Variants in GDI2 observed in about 807,000 individuals in gnomAD.
GDI2 encodes the protein rab GDP dissociation inhibitor beta.
In GDI2, 22 loss-of-function variants were observed where a neutral mutation model predicts 54.2. That is an observed-to-expected ratio of 0.41 (90% confidence interval 0.29 to 0.58). The LOEUF (loss-of-function observed/expected upper bound fraction) is 0.58. Among genes scored for constraint, GDI2 ranks in the 20% least tolerant of loss-of-function variants. GDI2 has a pLI of 0.35. For synonymous variants in GDI2, 177 were observed against 182.1 expected (o/e 0.97, Z 0.23); for missense variants, 422 against 546.0 (o/e 0.77, Z 2.26).
chr10:5,773,374 T>C lies in GDI2; in HGVS notation c.819+468A>G, dbSNP rs1177585923. Among the ~76,000 whole-genome samples, 4 of 152,288 alleles carry C rather than the reference T, an allele frequency of 2.6e-5. No individual in the cohort carries two copies. In the South Asian group the frequency reaches 8.3e-4, roughly 32 times the overall value. ...ACGATCTTTTTTTCCTTGTGATTTT[T>C]TTTTTCAGTAGCATCCACATCACCT... On this transcript the variant is annotated intron_variant, in intron 7 of 10. Coordinates refer to ENST00000380191, the MANE Select transcript of GDI2 (RefSeq NM_001494.4).
At chr10:5,784,886 G>A (rs767161622) in intron 6 of GDI2, among the ~76,000 whole-genome samples, 5 of 152,328 alleles carry the variant, frequency 3.3e-5, no homozygotes, top group East Asian at 1.9e-4. Context: ...TGTTAAGTGC[G>A]CTGGTTTTGT....
intron 6 of GDI2, among the ~76,000 whole-genome samples, chr10:5,779,616 G>C (rs1424129052): frequency 6.6e-6 from 1 of 151,320 alleles, no homozygotes; most frequent in African/African-American, 2.4e-5. Context: ...TAGCAGAAAA[G>C]GTCAGTAAAC....
chr10:5,773,274 T>TC (rs1362904847), intron 7 of GDI2, among the ~76,000 whole-genome samples: 2 of 152,332 alleles, frequency 1.3e-5, no homozygotes, highest in Non-Finnish European at 2.9e-5. Flanking sequence ...AAGTGCATCC[T>TC]CTACTGCAAG....
intron 6 of GDI2, among the ~76,000 whole-genome samples, chr10:5,782,341 A>G (rs1229289771): frequency 1.3e-5 from 2 of 152,236 alleles, no homozygotes; most frequent in African/African-American, 4.8e-5. Flanking sequence ...AAGGATGTGG[A>G]GCAACGAGAA....
chr10:5,810,667 T>C (rs1841465332), intron 1 of GDI2, among the ~76,000 whole-genome samples: 1 of 152,212 alleles, frequency 6.6e-6, no homozygotes, highest in South Asian at 2.1e-4. Context: ...AAATTATGTT[T>C]CTTAGTTTGT....
At chr10:5,779,446 T>G (rs1840701580) in intron 6 of GDI2, among the ~76,000 whole-genome samples, 1 of 151,254 alleles carries the variant, frequency 6.6e-6, no homozygotes, top group Non-Finnish European at 1.5e-5. Flanking sequence ...AGGCAGAGGT[T>G]GCAGTGAGCT....
At chr10:5,792,361 C>T (rs1362522743) in intron 4 of GDI2, among the ~76,000 whole-genome samples, 1 of 152,164 alleles carries the variant, frequency 6.6e-6, no homozygotes, top group East Asian at 1.9e-4. Context: ...ACATGAAGTA[C>T]TTAATACATA....
At chr10:5,786,909 C>G (rs1056284771) in intron 4 of GDI2, among the ~76,000 whole-genome samples, 5 of 152,178 alleles carry the variant, frequency 3.3e-5, no homozygotes, top group Admixed American at 6.5e-5. Context: ...GCAACCAATT[C>G]GCTGCATTTT....
rs1164394574 is a variant in GDI2, at chr10:5,766,205, A to C, written c.1191+36T>G. 18 of 1,611,238 alleles carry C rather than the reference A, an allele frequency of 1.1e-5. No homozygotes were observed. The highest frequency in any genetic ancestry group is 1.5e-5 in the Non-Finnish European group (18 of 1,177,260). The stretch of plus-strand genomic sequence containing the variant: ...GACCATGGAGGGATGTCTTCCAGTG[A>C]AACCTGCCCATATCCTTTCACACTT... On this transcript the variant is annotated intron_variant, in intron 10 of 10. Coordinates refer to ENST00000380191, the MANE Select transcript of GDI2 (RefSeq NM_001494.4). This position sits in a 1 kb window ranked among gnomAD's most constrained non-coding sequence, Gnocchi z 5.8.
chr10:5,813,092 C>T, intron 1 of GDI2, 122 bp downstream of exon 1: 1 of 595,038 alleles, frequency 1.7e-6, no homozygotes, highest in Non-Finnish European at 2.8e-6. Context: ...GACTCCCGTC[C>T]CGAAAACTAC....
intron 1 of GDI2, chr10:5,811,841 A>G: frequency 1.8e-6 from 1 of 559,926 alleles, no homozygotes; most frequent in Non-Finnish European, 2.9e-6. Flanking sequence ...AAAATGACAG[A>G]CCAGAAAAAC....
chr10:5,780,076 G>T (rs1840716997), intron 6 of GDI2, among the ~76,000 whole-genome samples: 1 of 151,856 alleles, frequency 6.6e-6, no homozygotes, highest in African/African-American at 2.4e-5. Flanking sequence ...AGGTGGGGTG[G>T]TGCATGCCTG....
intron 4 of GDI2, among the ~76,000 whole-genome samples, chr10:5,794,389 G>A (rs1841101573): frequency 2.0e-5 from 3 of 151,258 alleles, no homozygotes. Flanking sequence ...CCAGGGCTCT[G>A]GAGCCACACT....
chr10:5,785,177 G>A lies in GDI2; in HGVS notation c.684C>T (p.Leu228=). Residue 228 remains leucine (L), a synonymous_variant, in exon 6 of 11, where the codon CTC becomes CTT. Coordinates refer to ENST00000380191, the MANE Select transcript of GDI2 (RefSeq NM_001494.4). The part of the protein sequence containing the change: ...RYGKSPYLYP[L]YGLGELPQGF... ...CTTGGGGCAGTTCTCCAAGGCCATA[G>A]AGTGGATAAAGGTATGGGCTTTTGC... The A allele has an allele frequency of 1.2e-6, 2 of 1,611,982 alleles. No homozygotes were observed. The highest frequency in any genetic ancestry group is 1.7e-6 in the Non-Finnish European group (2 of 1,178,844).
intron 4 of GDI2, among the ~76,000 whole-genome samples, chr10:5,794,186 A>AT (rs1197154882): frequency 2.8e-4 from 13 of 46,660 alleles, no homozygotes; most frequent in Admixed American, 3.3e-4. Flanking sequence ...AAAAAAAAAA[A>AT]AAATATATAT....
At chr10:5,772,698 A>G (rs1253383442) in intron 7 of GDI2, among the ~76,000 whole-genome samples, 1 of 152,132 alleles carries the variant, frequency 6.6e-6, no homozygotes, top group Non-Finnish European at 1.5e-5. Flanking sequence ...TGGAGGGTGA[A>G]GTGAGCTGAG....
chr10:5,808,085 C>G (rs1452460690), intron 1 of GDI2, among the ~76,000 whole-genome samples: 1 of 152,174 alleles, frequency 6.6e-6, no homozygotes, highest in African/African-American at 2.4e-5. Context: ...GCCTGTAATC[C>G]TAACACTTTG....
At chr10:5,805,717 C>T (rs1333581827) in intron 1 of GDI2, among the ~76,000 whole-genome samples, 2 of 152,294 alleles carry the variant, frequency 1.3e-5, no homozygotes, top group East Asian at 3.9e-4. Flanking sequence ...TGGTCCAGGA[C>T]CAATTTCAAG....
At chr10:5,803,636 C>T (rs890920607) in intron 1 of GDI2, among the ~76,000 whole-genome samples, 4 of 152,036 alleles carry the variant, frequency 2.6e-5, no homozygotes, top group African/African-American at 9.7e-5. Context: ...GAGCCCTAAG[C>T]AAAGCATATA....
Sources: gnomAD v4.1 joint callset for allele counts (sites outside exome capture counted in the v4.1 genomes callset) on GRCh38, gnomAD v4.1.1 for gene constraint, Gnocchi (gnomAD v3.1) non-coding constraint, MANE v1.5 for transcripts, NCBI Gene and HGNC (gene_info 2026-07-23, HGNC 2026-07-21) for gene names.